The following PRXL2B variants were observed in gnomAD, a reference collection of about 807,000 sequenced individuals.
PRXL2B encodes the protein prostamide/prostaglandin F synthase.
Under a neutral mutation model 24.4 loss-of-function variants are expected in PRXL2B, and 26 were observed. The observed-to-expected ratio is 1.07, with a 90% CI of 0.78 to 1.48. PRXL2B has a LOEUF of 1.48. PRXL2B is among the 40% of genes most tolerant of loss of function. PRXL2B has a pLI of 0.00. For missense variants in PRXL2B, 269 were observed against 264.8 expected, an observed-to-expected ratio of 1.02 and a Z score of -0.11; for synonymous variants, 115 against 118.9, an observed-to-expected ratio of 0.97 and a Z score of 0.21.
chr1:2,589,790 C>T lies in PRXL2B; in HGVS notation c.*363C>T, dbSNP rs988498215. On this transcript the variant is annotated 3_prime_UTR_variant, in exon 7 of 7. Coordinates refer to ENST00000419916, the MANE Select transcript of PRXL2B (RefSeq NM_152371.5). ...ACTGCCCCGTCACTCCCTTCAAAGG[C>T]GACAGACCCAAGCCCACGTCAGGAG... 10 of 356,556 alleles carry T rather than the reference C, an allele frequency of 2.8e-5. No individual in the cohort carries two copies. Among genetic ancestry groups the T allele is most frequent in the Admixed American group, 4.5e-5 (1 of 22,176 alleles). 22.1% of individuals were successfully genotyped at this position (356,556 alleles called of 1,614,324 possible). A position where few individuals can be genotyped will look rare whatever the true frequency, so the allele number is the denominator to read the frequency against.
At position 2,589,404 on chromosome 1, in the gene PRXL2B, CCA is replaced by C; in HGVS notation, c.580-3_580-2del. The C allele has an allele frequency of 6.2e-7, 1 of 1,613,482 alleles. No homozygotes were observed. Among genetic ancestry groups the C allele is most frequent in the Non-Finnish European group, 8.5e-7 (1 of 1,179,772 alleles). Reference sequence around the variant, plus strand: ...GCGGCCCCATGGGACCCTGCTGTCCCCACAGTGTGACAGAGAGGTGTGAGGGA... The same window carrying C: ...GCGGCCCCATGGGACCCTGCTGTCCCCAGTGTGACAGAGAGGTGTGAGGGA... On this transcript the variant is annotated splice_polypyrimidine_tract_variant and splice_region_variant and intron_variant, in intron 6 of 6. Transcript: ENST00000419916.
upstream of PRXL2B, chr1:2,586,743 C>T: frequency 1.6e-6 from 2 of 1,231,390 alleles, no homozygotes; most frequent in South Asian, 3.9e-5. Flanking sequence ...GCCTCGGCGG[C>T]AGCAAGAAAG....
upstream of PRXL2B, chr1:2,586,543 A>C: frequency 2.6e-6 from 1 of 377,996 alleles, no homozygotes. Flanking sequence ...GAGGGACCGA[A>C]GCAGGCGGAC....
chr1:2,590,889 GC>G lies in PRXL2B; in HGVS notation c.*1464del, dbSNP rs1281843475. 1.1e-6 allele frequency: 1 copy of G among 947,796 alleles called. No individual in the cohort carries two copies. The highest frequency in any genetic ancestry group is 1.7e-5 in the African/African-American group (1 of 58,076). 58.7% of individuals were successfully genotyped at this position (947,796 alleles called of 1,614,324 possible). On this transcript the variant is annotated 3_prime_UTR_variant, in exon 7 of 7. Coordinates refer to ENST00000419916, the MANE Select transcript of PRXL2B (RefSeq NM_152371.5). ...CTGGCAGGCAGGCTTGGCATGGTTG[GC>G]CGGGGCGGGACGTACACTGGGTCGC...
In PRXL2B at chr1:2,587,350, G is replaced by A; in HGVS notation, c.268+55G>A. 6.6e-7 allele frequency: 1 copy of A among 1,519,996 alleles called. No individual in the cohort carries two copies. The highest frequency in any genetic ancestry group is 1.4e-5 in the African/African-American group (1 of 72,606). The allele number at this position is 1,519,996 out of a possible 1,614,324, so 94.2% of individuals were successfully genotyped here. On this transcript the variant is annotated intron_variant, in intron 2 of 6. Transcript: ENST00000419916. This position sits in a 1 kb window ranked among gnomAD's most constrained non-coding sequence, Gnocchi z 6.1. ...ACATACCCTTCCCTAAGCTCAGGGC[G>A]TTCGGGGCCCTTTCCTGCCCAACCC...
rs1644529398 is a variant in PRXL2B at position 2,586,859 on chromosome 1, C to G, written c.-27C>G. ...AGCGGGGAACAGGGAGTCGGGGAGC[C>G]GGGAACCAGGGCTGGCAGCGGCCGC... On this transcript the variant is annotated 5_prime_UTR_variant, in exon 1 of 7. Coordinates refer to ENST00000419916, the MANE Select transcript of PRXL2B (RefSeq NM_152371.5). 1.6e-6 allele frequency: 2 copies of G among 1,286,750 alleles called. No individual in the cohort carries two copies. The highest frequency in any genetic ancestry group is 2.0e-6 in the Non-Finnish European group (2 of 1,017,712). 79.7% of individuals were successfully genotyped at this position (1,286,750 alleles called of 1,614,324 possible).
intron 3 of PRXL2B, 172 bp from the exon 4 acceptor site, chr1:2,588,218 C>T (rs1644574977): frequency 1.2e-6 from 1 of 821,176 alleles, no homozygotes; most frequent in South Asian, 1.6e-5. Context: ...GGTGTCCAAC[C>T]TGCCGGTGGG....
rs763457229 is a variant in PRXL2B, at chr1:2,588,971, C to T, written c.510C>T (p.Tyr170=). 21 of 1,613,378 alleles carry T rather than the reference C, an allele frequency of 1.3e-5. No individual in the cohort carries two copies. In the East Asian group the frequency reaches 1.6e-4, roughly 12 times the overall value. Residue 170 remains tyrosine (Y), a synonymous_variant, in exon 6 of 7, where the codon TAC becomes TAT. Transcript: ENST00000419916. ...TCGTCCAGAAGTCCCCAGGCGACTA[C>T]GTCCCCAAGGAGCACATCCTGCAGG... ...LHFVQKSPGD[Y]VPKEHILQVL...
In PRXL2B at chr1:2,590,548, ACTCT is replaced by A. The variant is rs143826513; in HGVS notation, c.*1125_*1128del. 4.8e-3 allele frequency: 746 copies of A among 155,712 alleles called. 8 individuals are homozygous for A. Among genetic ancestry groups the A allele is most frequent in the African/African-American group, 0.017 (717 of 41,216 alleles). 9.6% of individuals were successfully genotyped at this position (155,712 alleles called of 1,614,324 possible). A position where few individuals can be genotyped will look rare whatever the true frequency, so the allele number is the denominator to read the frequency against. On this transcript the variant is annotated 3_prime_UTR_variant, in exon 7 of 7. Transcript: ENST00000419916. ...CCCTCCCCATCAGCTCCCAGCTGTCACTCTCTCCCACCCCCGGGCAGCTGTTTTG... is the reference window on the plus strand; with the variant it reads ...CCCTCCCCATCAGCTCCCAGCTGTCACTCCCACCCCCGGGCAGCTGTTTTG...
At position 2,586,840 on chromosome 1, in the gene PRXL2B, G is replaced by A. The variant is rs753094801; in HGVS notation, c.-46G>A. The A allele has an allele frequency of 3.3e-5, 42 of 1,282,236 alleles. No individual in the cohort carries two copies. In the South Asian group the frequency reaches 3.4e-4, roughly 10 times the overall value. 79.4% of individuals were successfully genotyped at this position (1,282,236 alleles called of 1,614,324 possible). ...CCAGGAGCGAGGAGCCGGGAGCGGG[G>A]AACAGGGAGTCGGGGAGCCGGGAAC... is the stretch of plus-strand genomic sequence containing the variant. On this transcript the variant is annotated 5_prime_UTR_variant, in exon 1 of 7. Coordinates refer to ENST00000419916, the MANE Select transcript of PRXL2B (RefSeq NM_152371.5).
In PRXL2B at chr1:2,588,536, C is replaced by A. The variant is rs111433922; in HGVS notation, c.385-14C>A. The A allele has an allele frequency of 6.4e-4, 1,037 of 1,614,074 alleles. 7 individuals are homozygous for A. The African/African-American group carries it at 0.012, about 19-fold the overall frequency. ...TCTTCTAGGATTGACTCAGGCTGTA[C>A]CCACTCCTGACAGGCCAAGGCTGTT... On this transcript the variant is annotated splice_polypyrimidine_tract_variant and intron_variant, in intron 4 of 6. Transcript: ENST00000419916.
In PRXL2B at chr1:2,587,607, C is replaced by T. The variant is rs923565830; in HGVS notation, c.269-134C>T. 1.0e-5 allele frequency: 11 copies of T among 1,090,694 alleles called. No individual in the cohort carries two copies. Among genetic ancestry groups the T allele is most frequent in the Non-Finnish European group, 1.5e-5 (11 of 732,470 alleles). The allele number at this position is 1,090,694 out of a possible 1,614,324, so 67.6% of individuals were successfully genotyped here. A position where few individuals can be genotyped will look rare whatever the true frequency, so the allele number is the denominator to read the frequency against. On this transcript the variant is annotated intron_variant, in intron 2 of 6. Coordinates refer to ENST00000419916, the MANE Select transcript of PRXL2B (RefSeq NM_152371.5). The surrounding 1 kb of genome is among the most constrained non-coding windows in gnomAD (Gnocchi z 6.1). ...CAGCCCCGTTTTACCCCTCCCTGCC[C>T]TGCGGGGGTGGGCTGAGCACGGAGG...
Position 2,588,478 on chromosome 1 carries a change from G to T in PRXL2B, c.384+25G>T, listed in dbSNP as rs200586965. ...GGTGTGTGCGGGTCAAGGGTGTACA[G>T]GCCGGGGGGTGGTGGGAGCTCCCAG... is the stretch of plus-strand genomic sequence containing the variant. On this transcript the variant is annotated intron_variant, in intron 4 of 6. Coordinates refer to ENST00000419916, the MANE Select transcript of PRXL2B (RefSeq NM_152371.5). 1.2e-3 allele frequency: 1,957 copies of T among 1,613,970 alleles called. 4 individuals are homozygous for T. The highest frequency in any genetic ancestry group is 9.7e-4 in the Non-Finnish European group (1,139 of 1,179,860).
upstream of PRXL2B, chr1:2,586,621 G>A (rs555500021): frequency 4.2e-5 from 32 of 754,342 alleles, no homozygotes; most frequent in African/African-American, 4.9e-4. Flanking sequence ...GGGACTAGGG[G>A]CGAATCCGAG....
In PRXL2B at chr1:2,587,919, G is replaced by A; in HGVS notation, c.320+127G>A. 7 of 1,052,872 alleles carry A rather than the reference G, an allele frequency of 6.6e-6. No homozygotes were observed. The highest frequency in any genetic ancestry group is 1.6e-5 in the South Asian group (1 of 64,010). The allele number at this position is 1,052,872 out of a possible 1,614,324, so 65.2% of individuals were successfully genotyped here. On this transcript the variant is annotated intron_variant, in intron 3 of 6. Transcript: ENST00000419916. This position sits in a 1 kb window ranked among gnomAD's most constrained non-coding sequence, Gnocchi z 6.1. ...CCACTCGGGCCTTCCTGGGCAAGGCGGCTCTGGTGGCACTGTTGACCAGCC... is the reference window on the plus strand; with the variant it reads ...CCACTCGGGCCTTCCTGGGCAAGGCAGCTCTGGTGGCACTGTTGACCAGCC...
chr1:2,587,708 C>T lies in PRXL2B; in HGVS notation c.269-33C>T. The T allele has an allele frequency of 6.3e-7, 1 of 1,587,376 alleles. No homozygotes were observed. The highest frequency in any genetic ancestry group is 8.6e-7 in the Non-Finnish European group (1 of 1,166,700). ...AGTGGGTTGGGGGCTGGTTCTGCGC[C>T]TGGGGCACACACATGTGGCTTCCGC... On this transcript the variant is annotated intron_variant, in intron 2 of 6. Transcript: ENST00000419916. The surrounding 1 kb of genome is among the most constrained non-coding windows in gnomAD (Gnocchi z 6.1).
chr1:2,588,673 TGA>T (rs1468835962), intron 5 of PRXL2B, 48 bp downstream of exon 5: 1 of 1,589,718 alleles, frequency 6.3e-7, no homozygotes, highest in East Asian at 2.2e-5. Context: ...AGGGCCTTGC[TGA>T]ACTTGGTGGC....
chr1:2,587,065 G>T lies in PRXL2B; in HGVS notation c.64-26G>T. 1 of 1,448,302 alleles carries T rather than the reference G, an allele frequency of 6.9e-7. No individual in the cohort carries two copies. Among genetic ancestry groups the T allele is most frequent in the Non-Finnish European group, 9.0e-7 (1 of 1,110,692 alleles). 89.7% of individuals were successfully genotyped at this position (1,448,302 alleles called of 1,614,324 possible). ...TGGGCGGGGCTGGGGGCAACGGGGC[G>T]CGCCCATGACCCAGCCGCCCGGCAG... On this transcript the variant is annotated intron_variant, in intron 1 of 6. Transcript: ENST00000419916. This position sits in a 1 kb window ranked among gnomAD's most constrained non-coding sequence, Gnocchi z 6.1.
chr1:2,587,269 TC>T lies in PRXL2B; in HGVS notation c.244del (p.Leu82TrpfsTer22). 6.3e-7 allele frequency: 1 copy of T among 1,575,260 alleles called. No homozygotes were observed. The highest frequency in any genetic ancestry group is 2.3e-5 in the East Asian group (1 of 43,054). On this transcript the variant is annotated frameshift_variant, in exon 2 of 7. Coordinates refer to ENST00000419916, the MANE Select transcript of PRXL2B (RefSeq NM_152371.5). LOFTEE classifies it high-confidence loss of function. The surrounding 1 kb of genome is among the most constrained non-coding windows in gnomAD (Gnocchi z 6.1). ...VGPEALGLQE[F>X]LDGDYFAGEL... ...CCCGAGGCCCTGGGTCTGCAGGAGT[TC>T]CTGGACGGCGACTACTTCGCGGGAG... is the stretch of plus-strand genomic sequence containing the variant.
Sources: allele counts gnomAD v4.1 joint callset, GRCh38; gene constraint gnomAD v4.1.1; non-coding constraint Gnocchi (gnomAD v3.1); transcripts MANE v1.5; gene names NCBI Gene and HGNC (gene_info 2026-07-23, HGNC 2026-07-21).